GRM5: variants seen among roughly 807,000 people sequenced by gnomAD.
GRM5 encodes the protein glutamate metabotropic receptor 5.
GRM5 carries 19 observed loss-of-function variants against 83.1 expected under a neutral mutation model. The ratio of observed to expected loss-of-function variants is 0.23; its 90% CI spans 0.16 to 0.34. GRM5 has a LOEUF of 0.34. GRM5 is among the 10% of genes least tolerant of loss of function. The pLI is 1.00. For missense variants in GRM5, 1,160 were observed against 1,588.3 expected (o/e 0.73, Z 4.58); for synonymous variants, 675 against 633.6 (o/e 1.07, Z -0.98).
intron 3 of GRM5, among the ~76,000 whole-genome samples, chr11:88,794,229 C>T (rs963644139): frequency 1.3e-5 from 2 of 152,124 alleles, no homozygotes; most frequent in Non-Finnish European, 2.9e-5. Context: ...TGGACTAGTG[C>T]AATAACCTCC....
chr11:88,821,790 C>CA (rs1046341498), intron 3 of GRM5, among the ~76,000 whole-genome samples: 1 of 152,054 alleles, frequency 6.6e-6, no homozygotes, highest in Non-Finnish European at 1.5e-5. Context: ...TCTCTAGCCA[C>CA]AAAAAATTAA....
chr11:88,577,869 G>T (rs10831094), intron 7 of GRM5, among the ~76,000 whole-genome samples: 28,368 of 151,986 alleles, frequency 0.19, 4,002 homozygotes, highest in African/African-American at 0.4. Flanking sequence ...TTCAGATGGG[G>T]AATTAGCAAA....
chr11:88,931,928 T>C (rs1937719311), intron 2 of GRM5, among the ~76,000 whole-genome samples: 1 of 152,114 alleles, frequency 6.6e-6, no homozygotes, highest in African/African-American at 2.4e-5. Context: ...TCAATTAAGA[T>C]ATCCTAATAT....
intron 3 of GRM5, among the ~76,000 whole-genome samples, chr11:88,661,458 T>C (rs1364027911): frequency 6.6e-6 from 1 of 151,606 alleles, no homozygotes; most frequent in Non-Finnish European, 1.5e-5. Context: ...TGCATCTCAG[T>C]ATTTTTTTTT....
chr11:88,861,807 A>G (rs1944568398), intron 2 of GRM5, among the ~76,000 whole-genome samples: 1 of 151,912 alleles, frequency 6.6e-6, no homozygotes, highest in South Asian at 2.1e-4. Context: ...GATATCTTCC[A>G]CTGTGCTGTC....
intron 9 of GRM5, among the ~76,000 whole-genome samples, chr11:88,510,065 G>T (rs2135075524): frequency 6.6e-6 from 1 of 152,318 alleles, no homozygotes; most frequent in African/African-American, 2.4e-5. Context: ...AGGGTTTTCT[G>T]TCTGAACCCC....
chr11:88,653,099 CATGACA>C, intron 4 of GRM5, 63 bp downstream of exon 4: 1 of 937,904 alleles, frequency 1.1e-6, no homozygotes, highest in East Asian at 2.5e-5. Flanking sequence ...CCACTATCCC[CATGACA>C]TGGTTTACTT....
intron 2 of GRM5, among the ~76,000 whole-genome samples, chr11:88,982,435 C>A (rs1205783674): frequency 6.6e-6 from 1 of 152,008 alleles, no homozygotes; most frequent in African/African-American, 2.4e-5. Context: ...GAACTCCACC[C>A]ATCTTATAAA....
chr11:88,984,753 T>A, intron 2 of GRM5: 1 of 722,254 alleles, frequency 1.4e-6, no homozygotes, highest in Non-Finnish European at 2.6e-6. Context: ...AGAAAGGTAT[T>A]TATTTGAATT....
intron 3 of GRM5, among the ~76,000 whole-genome samples, chr11:88,704,092 G>A (rs1941097787): frequency 6.6e-6 from 1 of 151,926 alleles, no homozygotes. Context: ...GCATGCATAT[G>A]GAAGAAAAGA....
intron 8 of GRM5, among the ~76,000 whole-genome samples, chr11:88,563,297 C>G (rs1168286938): frequency 2.6e-5 from 4 of 152,210 alleles, no homozygotes; most frequent in Non-Finnish European, 5.9e-5. Context: ...AAAGCCAGAA[C>G]TCTAAACTAG....
Position 88,542,976 on chromosome 11 carries a change from G to A in GRM5, c.2631-17572C>T, listed in dbSNP as rs1306765813. ...CCAGCTACAAAGGAGGCTGAGGCAG[G>A]AGAATCACCTGAGCCCGGGAAGTGG... On this transcript the variant is annotated intron_variant, in intron 8 of 9. Coordinates refer to ENST00000305447, the MANE Select transcript of GRM5 (RefSeq NM_001143831.3). 3.9e-5 allele frequency among the ~76,000 whole-genome samples: 6 copies of A among 152,314 alleles called. No individual in the cohort carries two copies. The South Asian group carries it at 1.0e-3, about 26-fold the overall frequency.
In GRM5 at chr11:88,524,363, G is replaced by A. The variant is rs1482671177; in HGVS notation, c.2726+946C>T. Among the ~76,000 whole-genome samples, 6 of 151,870 alleles carry A rather than the reference G, an allele frequency of 4.0e-5. No homozygotes were observed. The East Asian group carries it at 7.7e-4, about 20-fold the overall frequency. ...CTCCTGAGTAGCTGGAATTACAAGC[G>A]TGTGCCACCATGCCCGGCTAATTTT... On this transcript the variant is annotated intron_variant, in intron 9 of 9. Coordinates refer to ENST00000305447, the MANE Select transcript of GRM5 (RefSeq NM_001143831.3).
chr11:88,940,945 T>C (rs1359028473), intron 2 of GRM5, among the ~76,000 whole-genome samples: 2 of 152,050 alleles, frequency 1.3e-5, no homozygotes, highest in Non-Finnish European at 2.9e-5. Context: ...TGCACTCATA[T>C]GTGACAATGT....
chr11:88,710,746 G>A (rs1941264046), intron 3 of GRM5, among the ~76,000 whole-genome samples: 1 of 151,998 alleles, frequency 6.6e-6, no homozygotes. Context: ...TTGTTGGGGT[G>A]AGGGGAGCAG....
intron 3 of GRM5, among the ~76,000 whole-genome samples, chr11:88,700,808 A>G (rs1941015730): frequency 6.6e-6 from 1 of 152,138 alleles, no homozygotes; most frequent in Non-Finnish European, 1.5e-5. Flanking sequence ...ATATACAGCA[A>G]TGGGACAGGC....
At chr11:88,757,664 G>A (rs1942423209) in intron 3 of GRM5, among the ~76,000 whole-genome samples, 2 of 151,954 alleles carry the variant, frequency 1.3e-5, no homozygotes, top group African/African-American at 2.4e-5. Context: ...CTCCAGTTAC[G>A]CTGTCTCCCC....
At chr11:88,546,073 T>C (rs1942380479) in intron 8 of GRM5, among the ~76,000 whole-genome samples, 1 of 151,970 alleles carries the variant, frequency 6.6e-6, no homozygotes, top group South Asian at 2.1e-4. Flanking sequence ...TGTTGCTGTC[T>C]TTGCTTGGGA....
chr11:88,800,450 T>A (rs117224648), intron 3 of GRM5, among the ~76,000 whole-genome samples: 109 of 152,056 alleles, frequency 7.2e-4, no homozygotes, highest in Middle Eastern at 3.4e-3. Flanking sequence ...TGCAAAACAA[T>A]ATCAAAATTT....
Sources: gnomAD v4.1 joint callset for allele counts (sites outside exome capture counted in the v4.1 genomes callset) on GRCh38, gnomAD v4.1.1 for gene constraint, MANE v1.5 for transcripts, NCBI Gene and HGNC (gene_info 2026-07-23, HGNC 2026-07-21) for gene names.